MAP2K7: variants seen among roughly 807,000 people sequenced by gnomAD.
MAP2K7 encodes mitogen-activated protein kinase kinase 7.
MAP2K7 carries 12 observed loss-of-function variants against 47.7 expected under a neutral mutation model. The observed-to-expected ratio is 0.25, with a 90% CI of 0.16 to 0.41. The LOEUF (loss-of-function observed/expected upper bound fraction) is 0.41. MAP2K7 is among the 10% of genes least tolerant of loss of function. The pLI, the probability that MAP2K7 is intolerant of heterozygous loss-of-function variation, is 1.00. For missense variants in MAP2K7, 415 were observed against 600.3 expected (o/e 0.69, Z 3.23); for synonymous variants, 299 against 243.0 (o/e 1.23, Z -2.14).
chr19:7,911,204 G>A (rs771589696), intron 7 of MAP2K7, 45 bp downstream of exon 7: 13 of 1,606,956 alleles, frequency 8.1e-6, no homozygotes, highest in South Asian at 7.7e-5. Context: ...GGGCTGGGAG[G>A]CCGGCCCCAG....
At chr19:7,904,423 C>T (rs1052076573) in intron 1 of MAP2K7, 2 of 377,246 alleles carry the variant, frequency 5.3e-6, no homozygotes, top group African/African-American at 2.2e-5. Flanking sequence ...TCCCTGTTGA[C>T]CTGATGCTAC....
rs781666662 is a variant in MAP2K7 at position 7,911,240 on chromosome 19, C to CT, written c.856-10_856-9insT. The CT allele has an allele frequency of 6.2e-7, 1 of 1,609,176 alleles. No individual in the cohort carries two copies. Among genetic ancestry groups the CT allele is most frequent in the African/African-American group, 1.3e-5 (1 of 74,780 alleles). Reference sequence around the variant, plus strand: ...CCTTGGAGATACGTCTTCTCCTCCCCCCCCTGCAGCCCGAGCGCATTGACC... The same window carrying CT: ...CCTTGGAGATACGTCTTCTCCTCCCCTCCCCTGCAGCCCGAGCGCATTGACC... On this transcript the variant is annotated splice_polypyrimidine_tract_variant and intron_variant, in intron 7 of 10. Coordinates refer to ENST00000397979, the MANE Select transcript of MAP2K7 (RefSeq NM_145185.4).
chr19:7,912,659 CTG>C lies in MAP2K7; in HGVS notation c.*231_*232del, dbSNP rs1342342556. On this transcript the variant is annotated 3_prime_UTR_variant, in exon 11 of 11. Coordinates refer to ENST00000397979, the MANE Select transcript of MAP2K7 (RefSeq NM_145185.4). ...GGCCGTGTGCGTCCCCCGACAGACA[CTG>C]TGAACGGAAGACAGCAGGCCGCGAT... is the stretch of plus-strand genomic sequence containing the variant. The C allele has an allele frequency of 8.5e-6, 5 of 589,166 alleles. No individual in the cohort carries two copies. Among genetic ancestry groups the C allele is most frequent in the Admixed American group, 3.2e-5 (1 of 31,608 alleles). The allele number at this position is 589,166 out of a possible 1,614,324, so 36.5% of individuals were successfully genotyped here.
At chr19:7,911,678 G>A in intron 9 of MAP2K7, 100 bp downstream of exon 9, 2 of 1,236,332 alleles carry the variant, frequency 1.6e-6, no homozygotes, top group South Asian at 3.0e-5. Context: ...ACCCTGGGAT[G>A]GGCGGATGCG....
chr19:7,906,012 G>C, intron 1 of MAP2K7: 1 of 718,182 alleles, frequency 1.4e-6, no homozygotes. Context: ...CTCAAGCAGC[G>C]GTCAGCCCAG....
chr19:7,908,340 G>T (rs1343120463), intron 1 of MAP2K7, among the ~76,000 whole-genome samples: 1 of 152,166 alleles, frequency 6.6e-6, no homozygotes, highest in Non-Finnish European at 1.5e-5. Context: ...CAGGAGGGGA[G>T]CTAGGGGGCA....
intron 9 of MAP2K7, 35 bp from the exon 10 acceptor site, chr19:7,912,114 C>T (rs371222493): frequency 7.5e-6 from 12 of 1,606,852 alleles, no homozygotes; most frequent in East Asian, 2.2e-5. Context: ...CCTCCTCCCT[C>T]GTTCTCACAT....
At chr19:7,904,133 C>G in intron 1 of MAP2K7, 65 bp downstream of exon 1, 3 of 1,183,442 alleles carry the variant, frequency 2.5e-6, no homozygotes, top group Non-Finnish European at 3.2e-6. Flanking sequence ...CGGGAGGCCC[C>G]GCCCCCACCA....
rs778286345 is a variant in MAP2K7 at position 7,912,441 on chromosome 19, G to C, written c.*10G>C. The C allele has an allele frequency of 6.2e-7, 1 of 1,606,974 alleles. No individual in the cohort carries two copies. The highest frequency in any genetic ancestry group is 1.7e-5 in the Admixed American group (1 of 59,802). On this transcript the variant is annotated 3_prime_UTR_variant, in exon 11 of 11. Transcript: ENST00000397979. ...GCCCTTCTTCAGGTAGCTGCTTGGC[G>C]GCGGCCAGCCCCACAGGGGGCCAGG...
intron 1 of MAP2K7, among the ~76,000 whole-genome samples, chr19:7,905,484 G>GGGCCGCCCTCCCTGGC (rs1197613816): frequency 1.3e-4 from 20 of 152,250 alleles, no homozygotes; most frequent in African/African-American, 4.6e-4. Flanking sequence ...TAGCCCCTGG[G>GGGCCGCCCTCCCTGGC]GGCCGCCCTC....
At chr19:7,910,608 TC>T in intron 5 of MAP2K7, 36 bp downstream of exon 5, 1 of 1,612,636 alleles carries the variant, frequency 6.2e-7, no homozygotes, top group Non-Finnish European at 8.5e-7. Flanking sequence ...CGTCTCCTCC[TC>T]CCTCACCCCT....
In MAP2K7 at chr19:7,908,879, C is replaced by T. The variant is rs1599624018; in HGVS notation, c.125-876C>T. 4.6e-5 allele frequency among the ~76,000 whole-genome samples: 7 copies of T among 152,206 alleles called. 1 individual carries two copies. Among genetic ancestry groups the T allele is most frequent in the Admixed American group, 4.6e-4 (7 of 15,300 alleles). On this transcript the variant is annotated intron_variant, in intron 1 of 10. Coordinates refer to ENST00000397979, the MANE Select transcript of MAP2K7 (RefSeq NM_145185.4). The stretch of plus-strand genomic sequence containing the variant: ...GGGCACCTGGGCCCTAGTCTTGGTT[C>T]CTGTCTGTCTGTCTGTCTCCTGCCC...
rs1171466645 is a variant in MAP2K7, at chr19:7,914,426, C to T, written c.*1995C>T. 2 of 152,322 alleles carry T rather than the reference C, an allele frequency of 1.3e-5. No individual in the cohort carries two copies. Among genetic ancestry groups the T allele is most frequent in the Non-Finnish European group, 2.9e-5 (2 of 68,068 alleles). The allele number at this position is 152,322 out of a possible 1,614,324, so 9.4% of individuals were successfully genotyped here. On this transcript the variant is annotated 3_prime_UTR_variant, in exon 11 of 11. Transcript: ENST00000397979. ...CCTGCCCCTTTTTAAAACAAAATGC[C>T]CTCGTTTGTAAACCCTTAGACGCTT...
intron 1 of MAP2K7, among the ~76,000 whole-genome samples, chr19:7,904,953 A>G (rs1982350364): frequency 6.6e-6 from 1 of 151,170 alleles, no homozygotes; most frequent in Admixed American, 6.6e-5. Context: ...CTGCTTTCTG[A>G]TCAGTCCCAC....
chr19:7,903,935 G>T lies in MAP2K7; in HGVS notation c.-10G>T. The stretch of plus-strand genomic sequence containing the variant: ...CCGGGCGGTGCGCGGCGGCGGTGGC[G>T]GCGGGGAAGATGGCGGCGTCCTCCC... On this transcript the variant is annotated 5_prime_UTR_variant, in exon 1 of 11. Coordinates refer to ENST00000397979, the MANE Select transcript of MAP2K7 (RefSeq NM_145185.4). 6.6e-7 allele frequency: 1 copy of T among 1,517,730 alleles called. No individual in the cohort carries two copies. The allele number at this position is 1,517,730 out of a possible 1,614,324, so 94.0% of individuals were successfully genotyped here.
At chr19:7,905,333 T>C (rs1704169612) in intron 1 of MAP2K7, among the ~76,000 whole-genome samples, 1 of 152,180 alleles carries the variant, frequency 6.6e-6, no homozygotes, top group African/African-American at 2.4e-5. Context: ...GACACCCTCC[T>C]GTCCCTCCCT....
In MAP2K7 at chr19:7,909,754, G is replaced by A; in HGVS notation, c.125-1G>A. On this transcript the variant is annotated splice_acceptor_variant, in intron 1 of 10. Coordinates refer to ENST00000397979, the MANE Select transcript of MAP2K7 (RefSeq NM_145185.4). LOFTEE classifies it high-confidence loss of function. ...CCTGCCACTGGTTCTCACCCCCCTAGCCCTGCAGCTCCCGCTGGCCAACGA... is the reference window on the plus strand; with the variant it reads ...CCTGCCACTGGTTCTCACCCCCCTAACCCTGCAGCTCCCGCTGGCCAACGA... 2 of 1,539,868 alleles carry A rather than the reference G, an allele frequency of 1.3e-6. No homozygotes were observed. The highest frequency in any genetic ancestry group is 1.7e-6 in the Non-Finnish European group (2 of 1,145,002).
At chr19:7,911,681 C>T (rs560107127) in intron 9 of MAP2K7, 103 bp downstream of exon 9, 65 of 1,213,452 alleles carry the variant, frequency 5.4e-5, no homozygotes, top group African/African-American at 2.3e-4. Context: ...CTGGGATGGG[C>T]GGATGCGACT....
Position 7,911,337 on chromosome 19 carries a change from T to TG in MAP2K7, c.936+11dup. 1 of 1,613,294 alleles carries TG rather than the reference T, an allele frequency of 6.2e-7. No individual in the cohort carries two copies. The highest frequency in any genetic ancestry group is 8.5e-7 in the Non-Finnish European group (1 of 1,179,974). On this transcript the variant is annotated splice_region_variant and intron_variant, in intron 8 of 10. Transcript: ENST00000397979. ...GAGCCTGGGCATCTCGTTGGTGAGT[T>TG]GGGGCCCTCCCCTGTTCTCCAGCCA...
Sources: allele counts gnomAD v4.1 joint callset (sites outside exome capture counted in the v4.1 genomes callset), GRCh38; gene constraint gnomAD v4.1.1; transcripts MANE v1.5; gene names NCBI Gene and HGNC (gene_info 2026-07-23, HGNC 2026-07-21).